PAG1: variants seen among roughly 807,000 people sequenced by gnomAD.
PAG1 encodes phosphoprotein associated with glycosphingolipid-enriched microdomains 1.
PAG1 carries 23 observed loss-of-function variants against 31.7 expected under a neutral mutation model. The ratio of observed to expected loss-of-function variants is 0.73; its 90% CI spans 0.52 to 1.03. The LOEUF is 1.03. Ranked by LOEUF, PAG1 falls within the 50% of genes least tolerant of loss-of-function variation. PAG1 has a pLI of 0.00. For synonymous variants in PAG1, 214 were observed against 210.3 expected (o/e 1.02, Z -0.15); for missense variants, 473 against 540.7 (o/e 0.87, Z 1.24).
At chr8:81,046,829 T>C (rs193043519) in intron 2 of PAG1, among the ~76,000 whole-genome samples, 136 of 152,288 alleles carry the variant, frequency 8.9e-4, no homozygotes, top group African/African-American at 2.9e-3. Context: ...TTCTTCGTGA[T>C]GCTCTCCCTC....
chr8:81,023,058 C>T (rs1056868697), intron 3 of PAG1, among the ~76,000 whole-genome samples: 5 of 152,040 alleles, frequency 3.3e-5, no homozygotes, highest in Non-Finnish European at 7.4e-5. Context: ...CTTTTGCAAA[C>T]CTCCATGGAA....
intron 1 of PAG1, among the ~76,000 whole-genome samples, chr8:81,105,623 A>T (rs148713815): frequency 6.6e-6 from 1 of 152,232 alleles, no homozygotes; most frequent in East Asian, 1.9e-4. Flanking sequence ...TTGACTTAGA[A>T]CATGAGCTCC....
intron 2 of PAG1, among the ~76,000 whole-genome samples, chr8:81,031,175 T>G (rs989964313): frequency 6.6e-6 from 1 of 152,244 alleles, no homozygotes; most frequent in Non-Finnish European, 1.5e-5. Context: ...ATATCTATTG[T>G]TTCCCTGACA....
chr8:81,051,761 T>C (rs1808732320), intron 2 of PAG1, among the ~76,000 whole-genome samples: 1 of 152,182 alleles, frequency 6.6e-6, no homozygotes, highest in Admixed American at 6.5e-5. Flanking sequence ...GCAAATACAG[T>C]GTCATGTGCC....
intron 2 of PAG1, among the ~76,000 whole-genome samples, chr8:81,045,553 G>A (rs1407410752): frequency 2.6e-5 from 4 of 152,170 alleles, no homozygotes; most frequent in Non-Finnish European, 5.9e-5. Flanking sequence ...GAGGTGGGGT[G>A]ACAGCCTAGG....
At chr8:81,046,890 T>C (rs1016128974) in intron 2 of PAG1, among the ~76,000 whole-genome samples, 4 of 152,130 alleles carry the variant, frequency 2.6e-5, no homozygotes, top group African/African-American at 4.8e-5. Context: ...GTTCCCCCCA[T>C]GTATCCATGT....
At chr8:81,085,845 T>C (rs191408336) in intron 1 of PAG1, among the ~76,000 whole-genome samples, 1 of 152,338 alleles carries the variant, frequency 6.6e-6, no homozygotes, top group Admixed American at 6.5e-5. Flanking sequence ...ACACTGTCAG[T>C]ATTTGAAGTC....
At chr8:81,082,552 T>C (rs1188688001) in intron 1 of PAG1, among the ~76,000 whole-genome samples, 1 of 152,164 alleles carries the variant, frequency 6.6e-6, no homozygotes, top group Non-Finnish European at 1.5e-5. Flanking sequence ...ATGACACAAA[T>C]GGTAAATGTC....
intron 3 of PAG1, among the ~76,000 whole-genome samples, chr8:81,010,542 C>T (rs574751157): frequency 6.6e-6 from 1 of 152,294 alleles, no homozygotes; most frequent in South Asian, 2.1e-4. Flanking sequence ...TAACATACCA[C>T]TGTTTTTAAG....
At chr8:80,979,455 G>A (rs768783285) in intron 8 of PAG1, among the ~76,000 whole-genome samples, 1 of 152,190 alleles carries the variant, frequency 6.6e-6, no homozygotes, top group Non-Finnish European at 1.5e-5. Flanking sequence ...TTGGAGGACA[G>A]TGAGGAAAAG....
At chr8:81,077,105 T>A (rs4537256) in intron 1 of PAG1, among the ~76,000 whole-genome samples, 76,718 of 152,100 alleles carry the variant, frequency 0.5, 19,688 homozygotes, top group East Asian at 0.67. Flanking sequence ...CAGTGTGTGA[T>A]CTGCAGACCA....
At chr8:81,069,627 T>C (rs1809062334) in intron 2 of PAG1, among the ~76,000 whole-genome samples, 1 of 152,240 alleles carries the variant, frequency 6.6e-6, no homozygotes, top group Admixed American at 6.5e-5. Flanking sequence ...CAGCACAAAA[T>C]GAGATTATTA....
intron 3 of PAG1, among the ~76,000 whole-genome samples, chr8:81,001,772 T>A (rs1807788640): frequency 6.6e-6 from 1 of 152,144 alleles, no homozygotes; most frequent in Admixed American, 6.5e-5. Flanking sequence ...AGTGCCTTAT[T>A]TAGGGTCATG....
chr8:81,102,707 G>A (rs1018468052), intron 1 of PAG1, among the ~76,000 whole-genome samples: 1 of 152,074 alleles, frequency 6.6e-6, no homozygotes, highest in African/African-American at 2.4e-5. Context: ...AAAAAATTTA[G>A]ACTATCAGGA....
chr8:81,088,976 GTAATT>G (rs1396752066), intron 1 of PAG1, among the ~76,000 whole-genome samples: 1 of 152,182 alleles, frequency 6.6e-6, no homozygotes, highest in Non-Finnish European at 1.5e-5. Flanking sequence ...GTTCACTGCT[GTAATT>G]TAATATGCTA....
intron 3 of PAG1, among the ~76,000 whole-genome samples, chr8:81,011,012 C>T (rs1807973154): frequency 1.3e-5 from 2 of 152,202 alleles, no homozygotes; most frequent in Admixed American, 6.5e-5. Context: ...TATGACCAAC[C>T]ATTCTGAAAC....
intron 2 of PAG1, among the ~76,000 whole-genome samples, chr8:81,048,844 T>G (rs1808682847): frequency 6.6e-6 from 1 of 152,216 alleles, no homozygotes; most frequent in African/African-American, 2.4e-5. Flanking sequence ...ATTTCATAAG[T>G]CTTTGCGGCC....
At chr8:81,054,751 G>A (rs74686833) in intron 2 of PAG1, among the ~76,000 whole-genome samples, 2,087 of 152,264 alleles carry the variant, frequency 0.014, 58 homozygotes, top group African/African-American at 0.047. Flanking sequence ...TTTTATAGAT[G>A]AGTATACTAA....
chr8:80,980,030 C>T (rs1002403570), intron 8 of PAG1, among the ~76,000 whole-genome samples: 6 of 151,906 alleles, frequency 3.9e-5, no homozygotes, highest in South Asian at 2.1e-4. Flanking sequence ...TTTCTGTCTC[C>T]CAGGCTGGAG....
Sources: allele counts gnomAD v4.1 joint callset (sites outside exome capture counted in the v4.1 genomes callset), GRCh38; gene constraint gnomAD v4.1.1; transcripts MANE v1.5; gene names NCBI Gene and HGNC (gene_info 2026-07-23, HGNC 2026-07-21).